The following MAPK11 variants were observed in gnomAD, a reference collection of about 807,000 sequenced individuals.
The protein encoded by MAPK11 is mitogen-activated protein kinase 11, also known as MAP kinase 11.
MAPK11 carries 44 observed loss-of-function variants against 52.2 expected under a neutral mutation model. The ratio of observed to expected loss-of-function variants is 0.84; its 90% CI spans 0.66 to 1.08. MAPK11 has a LOEUF of 1.08. Among genes scored for constraint, MAPK11 ranks in the 50% least tolerant of loss-of-function variants. MAPK11 has a pLI of 0.00. For missense variants in MAPK11, 436 were observed against 494.7 expected, an observed-to-expected ratio of 0.88 and a Z score of 1.13; for synonymous variants, 233 against 206.3, an observed-to-expected ratio of 1.13 and a Z score of -1.11.
At chr22:50,268,082 C>G (rs2065281152) in intron 1 of MAPK11, 133 bp from the exon 2 acceptor site, 1 of 1,092,548 alleles carries the variant, frequency 9.2e-7, no homozygotes, top group Non-Finnish European at 1.2e-6. Context: ...CCGGCCCCGC[C>G]GCCCCAGCTC....
At position 50,267,894 on chromosome 22, in the gene MAPK11, G is replaced by A. The variant is rs1389350491; in HGVS notation, c.172C>T (p.Pro58Ser). The A allele has an allele frequency of 6.3e-7, 1 of 1,588,274 alleles. No homozygotes were observed. The highest frequency in any genetic ancestry group is 1.4e-5 in the African/African-American group (1 of 71,964). The change falls in exon 2 of 12, where the codon CCC becomes TCC. Residue 58 changes from proline to serine, a missense_variant. By Grantham distance (74) the Pro-to-Ser change is moderately conservative. Transcript: ENST00000330651. ...QKVAVKKLSR[P>S]FQSLIHARRT... ...CGCGCGTGGATCAGCGACTGGAAGGGGCGCGACAGCTTCTTCACCGCCACC... is the reference window on the plus strand; with the variant it reads ...CGCGCGTGGATCAGCGACTGGAAGGAGCGCGACAGCTTCTTCACCGCCACC...
rs2065264026 is a variant in MAPK11 at position 50,266,616 on chromosome 22, G to A, written c.611-5C>T. The A allele has an allele frequency of 1.3e-6, 2 of 1,559,104 alleles. No individual in the cohort carries two copies. Among genetic ancestry groups the A allele is most frequent in the South Asian group, 1.2e-5 (1 of 82,922 alleles). The stretch of plus-strand genomic sequence containing the variant: ...AGCCCACGGACCAGATATCCACTGT[G>A]CGAGGGCGAGGGGACCTCCATCAGT... On this transcript the variant is annotated splice_polypyrimidine_tract_variant and splice_region_variant and intron_variant, in intron 7 of 11. Transcript: ENST00000330651.
chr22:50,269,729 G>C (rs1252840891), intron 1 of MAPK11, among the ~76,000 whole-genome samples: 1 of 152,228 alleles, frequency 6.6e-6, no homozygotes, highest in Non-Finnish European at 1.5e-5. Context: ...TTCCGGGAGC[G>C]GGGCTTCCCT....
Position 50,265,506 on chromosome 22 carries a change from C to A in MAPK11, c.842-12G>T. 2 of 1,613,016 alleles carry A rather than the reference C, an allele frequency of 1.2e-6. No homozygotes were observed. Among genetic ancestry groups the A allele is most frequent in the Non-Finnish European group, 1.7e-6 (2 of 1,179,938 alleles). ...AAGGAGGTCTATGGCTGCAGGGAAG[C>A]CAGTGGTGGGGAGGGGGGTCAGCTG... On this transcript the variant is annotated splice_polypyrimidine_tract_variant and intron_variant, in intron 10 of 11. Coordinates refer to ENST00000330651, the MANE Select transcript of MAPK11 (RefSeq NM_002751.7).
intron 8 of MAPK11, 48 bp downstream of exon 8, chr22:50,266,492 C>T (rs2065262985): frequency 6.0e-6 from 9 of 1,490,692 alleles, no homozygotes; most frequent in African/African-American, 1.4e-5. Context: ...CCCTACCCTA[C>T]AGGAGGGGCC....
chr22:50,267,643 C>A lies in MAPK11; in HGVS notation c.247-16G>T, dbSNP rs1181784670. The A allele has an allele frequency of 6.5e-7, 1 of 1,528,708 alleles. No homozygotes were observed. The highest frequency in any genetic ancestry group is 1.2e-5 in the South Asian group (1 of 82,314). 94.7% of individuals were successfully genotyped at this position (1,528,708 alleles called of 1,614,324 possible). On this transcript the variant is annotated splice_polypyrimidine_tract_variant and intron_variant, in intron 2 of 11. Coordinates refer to ENST00000330651, the MANE Select transcript of MAPK11 (RefSeq NM_002751.7). ...GCCCGATGACCTAGGTGGCGGGGGG[C>A]GTCAGGGCCGGGCGACGAACCCCCG...
Position 50,270,279 on chromosome 22 carries a change from C to T in MAPK11, c.14G>A (p.Arg5His). ...CAGCTCCTGCCGGTAGAAGCCGGCGCGAGGGCCCGACATGTCCGGAGCAGC... is the reference window on the plus strand; with the variant it reads ...CAGCTCCTGCCGGTAGAAGCCGGCGTGAGGGCCCGACATGTCCGGAGCAGC... MSGP[R>H]AGFYRQELNK... The change falls in exon 1 of 12, where the codon CGC becomes CAC. Residue 5 changes from arginine to histidine, a missense_variant. Physicochemically the swap from Arg to His is conservative, Grantham distance 29. Transcript: ENST00000330651. This position sits in a 1 kb window ranked among gnomAD's most constrained non-coding sequence, Gnocchi z 6.3. 1 of 1,407,808 alleles carries T rather than the reference C, an allele frequency of 7.1e-7. No individual in the cohort carries two copies. Among genetic ancestry groups the T allele is most frequent in the Non-Finnish European group, 9.3e-7 (1 of 1,077,364 alleles). 87.2% of individuals were successfully genotyped at this position (1,407,808 alleles called of 1,614,324 possible).
chr22:50,270,356 G>A lies in MAPK11; in HGVS notation c.-64C>T. On this transcript the variant is annotated 5_prime_UTR_variant, in exon 1 of 12. Transcript: ENST00000330651. The surrounding 1 kb of genome is among the most constrained non-coding windows in gnomAD (Gnocchi z 6.3). ...CGCCCCGCGCCCGCGCCCGAGCCGA[G>A]CCCGAGCCGAGCGGAGCGGAGGGCG... 3 of 612,320 alleles carry A rather than the reference G, an allele frequency of 4.9e-6. No homozygotes were observed. The highest frequency in any genetic ancestry group is 6.3e-6 in the Non-Finnish European group (3 of 478,880). The allele number at this position is 612,320 out of a possible 1,614,324, so 37.9% of individuals were successfully genotyped here.
At chr22:50,265,525 T>A (rs930679455) in intron 10 of MAPK11, 31 bp from the exon 11 acceptor site, 2 of 1,611,688 alleles carry the variant, frequency 1.2e-6, no homozygotes, top group Admixed American at 1.7e-5. Flanking sequence ...GGGAGGGGGG[T>A]CAGCTGTACA....
At chr22:50,267,782 C>T in intron 2 of MAPK11, 38 bp downstream of exon 2, 2 of 1,487,878 alleles carry the variant, frequency 1.3e-6, no homozygotes, top group East Asian at 2.8e-5. Flanking sequence ...GCCCCGCCCC[C>T]GCACGCGCCC....
At position 50,267,271 on chromosome 22, in the gene MAPK11, C is replaced by A; in HGVS notation, c.433G>T (p.Gly145Trp). ...GTCGCACCTACCCGGTGGATGATCC[C>A]GGCCGAGTGGATGTACTGCGGGAGG... ...LRGLKYIHSA[G>W]IIHRDLKPSN... Residue 145 changes from glycine to tryptophan, a missense_variant, in exon 5 of 12, where the codon GGG becomes TGG. Coordinates refer to ENST00000330651, the MANE Select transcript of MAPK11 (RefSeq NM_002751.7). 1 of 1,603,898 alleles carries A rather than the reference C, an allele frequency of 6.2e-7. No homozygotes were observed. The highest frequency in any genetic ancestry group is 8.5e-7 in the Non-Finnish European group (1 of 1,177,178).
In MAPK11 at chr22:50,270,176, C is replaced by A; in HGVS notation, c.116+1G>T. ...CAGCACCCCTTCTGCCCCGCCCCTACCAGACGGAGCCGTAGGCGCCGGAGC... is the reference window on the plus strand; with the variant it reads ...CAGCACCCCTTCTGCCCCGCCCCTAACAGACGGAGCCGTAGGCGCCGGAGC... On this transcript the variant is annotated splice_donor_variant, in intron 1 of 11. Coordinates refer to ENST00000330651, the MANE Select transcript of MAPK11 (RefSeq NM_002751.7). LOFTEE classifies it high-confidence loss of function. The surrounding 1 kb of genome is among the most constrained non-coding windows in gnomAD (Gnocchi z 6.3). 7.0e-7 allele frequency: 1 copy of A among 1,427,628 alleles called. No individual in the cohort carries two copies. The highest frequency in any genetic ancestry group is 9.2e-7 in the Non-Finnish European group (1 of 1,085,852). 88.4% of individuals were successfully genotyped at this position (1,427,628 alleles called of 1,614,324 possible).
intron 8 of MAPK11, 51 bp from the exon 9 acceptor site, chr22:50,266,356 C>A: frequency 1.3e-6 from 2 of 1,547,544 alleles, no homozygotes; most frequent in Non-Finnish European, 8.8e-7. Flanking sequence ...CCTCCTGGGC[C>A]CCCAGACCCA....
At position 50,264,888 on chromosome 22, in the gene MAPK11, C is replaced by A; in HGVS notation, c.*60G>T. The A allele has an allele frequency of 7.1e-7, 1 of 1,402,000 alleles. No homozygotes were observed. Among genetic ancestry groups the A allele is most frequent in the Non-Finnish European group, 9.9e-7 (1 of 1,010,578 alleles). The allele number at this position is 1,402,000 out of a possible 1,614,324, so 86.8% of individuals were successfully genotyped here. A position where few individuals can be genotyped will look rare whatever the true frequency, so the allele number is the denominator to read the frequency against. On this transcript the variant is annotated 3_prime_UTR_variant, in exon 12 of 12. Transcript: ENST00000330651. ...GTGCCTCTCGAGGAAACCAGGCCAG[C>A]TGTGGAAGGGTGCAGGCCCAAGCCC...
chr22:50,267,733 C>G lies in MAPK11; in HGVS notation c.246+87G>C, dbSNP rs980758600. The G allele has an allele frequency of 6.9e-6, 10 of 1,439,460 alleles. No homozygotes were observed. In the East Asian group the frequency reaches 1.7e-4, roughly 24 times the overall value. 89.2% of individuals were successfully genotyped at this position (1,439,460 alleles called of 1,614,324 possible). A position where few individuals can be genotyped will look rare whatever the true frequency, so the allele number is the denominator to read the frequency against. On this transcript the variant is annotated intron_variant, in intron 2 of 11. Coordinates refer to ENST00000330651, the MANE Select transcript of MAPK11 (RefSeq NM_002751.7). ...AGGCCGCGCCCCCTGTGTCCCCGCC[C>G]CCATCGCCAGGGCTCGCCCGCCTAT... is the stretch of plus-strand genomic sequence containing the variant.
chr22:50,267,709 G>C, intron 2 of MAPK11, 82 bp from the exon 3 acceptor site: 2 of 1,444,254 alleles, frequency 1.4e-6, no homozygotes, highest in Non-Finnish European at 1.8e-6. Flanking sequence ...CCCAGTGCCA[G>C]GCCGCGCCCC....
intron 11 of MAPK11, 94 bp from the exon 12 acceptor site, chr22:50,265,121 C>T (rs1023201859): frequency 1.0e-4 from 130 of 1,257,640 alleles, no homozygotes; most frequent in Admixed American, 5.1e-4. Flanking sequence ...AGGCCCACCA[C>T]CCTGTGACAG....
At chr22:50,265,747 A>G (rs1480308977) in intron 9 of MAPK11, 87 bp from the exon 10 acceptor site, 13 of 789,836 alleles carry the variant, frequency 1.6e-5, no homozygotes, top group Admixed American at 2.7e-5. Context: ...AAGCCCCCAG[A>G]CTCATTCACT....
intron 7 of MAPK11, 112 bp downstream of exon 7, chr22:50,266,822 G>A (rs754857814): frequency 9.0e-7 from 1 of 1,105,752 alleles, no homozygotes; most frequent in South Asian, 1.3e-5. Context: ...TTTTGAATGT[G>A]GGTCCCACAT....
Sources: gnomAD v4.1 joint callset for allele counts (sites outside exome capture counted in the v4.1 genomes callset) on GRCh38, gnomAD v4.1.1 for gene constraint, Gnocchi (gnomAD v3.1) non-coding constraint, MANE v1.5 for transcripts, NCBI Gene and HGNC (gene_info 2026-07-23, HGNC 2026-07-21) for gene names.